Variants in BCAS3 observed in about 807,000 individuals in gnomAD.
BCAS3 encodes BCAS3 microtubule associated cell migration factor.
A neutral mutation model predicts 116.1 loss-of-function variants in BCAS3; 53 were observed. The observed-to-expected ratio is 0.46, with a 90% CI of 0.37 to 0.57. BCAS3 has a LOEUF of 0.57. Among genes scored for constraint, BCAS3 ranks in the 20% least tolerant of loss-of-function variants. The pLI is 0.00. For missense variants in BCAS3, 917 were observed against 1,165.4 expected, an observed-to-expected ratio of 0.79 and a Z score of 3.10; for synonymous variants, 391 against 408.2, an observed-to-expected ratio of 0.96 and a Z score of 0.51.
At chr17:61,312,075 G>A (rs889633561) in intron 22 of BCAS3, among the ~76,000 whole-genome samples, 3 of 152,200 alleles carry the variant, frequency 2.0e-5, no homozygotes, top group African/African-American at 4.8e-5. Context: ...GGGGAGAATC[G>A]TTTGATCTCT....
At chr17:61,218,417 T>C (rs2144368911) in intron 22 of BCAS3, among the ~76,000 whole-genome samples, 1 of 152,374 alleles carries the variant, frequency 6.6e-6, no homozygotes, top group South Asian at 2.1e-4. Context: ...CTCTGAGACG[T>C]ACATGCTGTT....
At position 61,130,653 on chromosome 17, in the gene BCAS3, T is replaced by C. The variant is rs1284547557; in HGVS notation, c.2425+46089T>C. On this transcript the variant is annotated intron_variant, in intron 22 of 23. Coordinates refer to ENST00000407086, the MANE Select transcript of BCAS3 (RefSeq NM_017679.5). This position sits in a 1 kb window ranked among gnomAD's most constrained non-coding sequence, Gnocchi z 5.0. ...AATGGAGATTTAAAAAGTCTAGCTATGCTTCTTGTACATCCCCTCTAGGAG... is the reference window on the plus strand; with the variant it reads ...AATGGAGATTTAAAAAGTCTAGCTACGCTTCTTGTACATCCCCTCTAGGAG... 6.6e-6 allele frequency: 1 copy of C among 152,280 alleles called. No individual in the cohort carries two copies. Among genetic ancestry groups the C allele is most frequent in the African/African-American group, 2.4e-5 (1 of 41,484 alleles). 9.4% of individuals were successfully genotyped at this position (152,280 alleles called of 1,614,324 possible). A position where few individuals can be genotyped will look rare whatever the true frequency, so the allele number is the denominator to read the frequency against.
chr17:60,790,359 G>T (rs1598736614), intron 6 of BCAS3, among the ~76,000 whole-genome samples: 1 of 152,102 alleles, frequency 6.6e-6, no homozygotes, highest in South Asian at 2.1e-4. Flanking sequence ...AAACTGTAAA[G>T]ACCTTGGAAA....
intron 19 of BCAS3, among the ~76,000 whole-genome samples, chr17:61,045,849 C>CTA (rs1177854712): frequency 8.8e-4 from 7 of 7,932 alleles, no homozygotes; most frequent in African/African-American, 7.0e-3. Flanking sequence ...CTCTCTCTCT[C>CTA]TATATATATA....
chr17:60,701,959 G>A (rs1350500548), intron 4 of BCAS3, among the ~76,000 whole-genome samples: 4 of 152,130 alleles, frequency 2.6e-5, no homozygotes, highest in Admixed American at 1.3e-4. Flanking sequence ...GGGTGACAGA[G>A]TGAGACTCTG....
At chr17:61,160,808 A>G (rs1468939336) in intron 22 of BCAS3, among the ~76,000 whole-genome samples, 1 of 152,142 alleles carries the variant, frequency 6.6e-6, no homozygotes, top group African/African-American at 2.4e-5. Flanking sequence ...GCTTTCCTCC[A>G]CATTTTGGAG....
At chr17:60,743,415 G>T (rs1173865675) in intron 5 of BCAS3, among the ~76,000 whole-genome samples, 2 of 151,732 alleles carry the variant, frequency 1.3e-5, no homozygotes, top group Non-Finnish European at 2.9e-5. Flanking sequence ...GATGTCTTTT[G>T]GTTCAGAGGT....
Position 61,251,426 on chromosome 17 carries a change from C to T in BCAS3, c.2426-116901C>T, listed in dbSNP as rs1238243418. Among the ~76,000 whole-genome samples, 7 of 152,114 alleles carry T rather than the reference C, an allele frequency of 4.6e-5. No individual in the cohort carries two copies. The highest frequency in any genetic ancestry group is 2.1e-4 in the South Asian group (1 of 4,812). ...TCTACTAAAAATACAAAAAATTAGCCGGGCCTGGTGGCGGGCGCCTATAAT... is the reference window on the plus strand; with the variant it reads ...TCTACTAAAAATACAAAAAATTAGCTGGGCCTGGTGGCGGGCGCCTATAAT... On this transcript the variant is annotated intron_variant, in intron 22 of 23. Coordinates refer to ENST00000407086, the MANE Select transcript of BCAS3 (RefSeq NM_017679.5). This position sits in a 1 kb window ranked among gnomAD's most constrained non-coding sequence, Gnocchi z 4.7.
In BCAS3 at chr17:61,075,401, A is replaced by G. The variant is rs560536618; in HGVS notation, c.2130+381A>G. On this transcript the variant is annotated intron_variant, in intron 20 of 23. Coordinates refer to ENST00000407086, the MANE Select transcript of BCAS3 (RefSeq NM_017679.5). ...ACGACCTTGGCTCACTGCAACCTCC[A>G]ATTCCTGGTTTCAAGCGATTCTCAT... Among the ~76,000 whole-genome samples, 8 of 152,250 alleles carry G rather than the reference A, an allele frequency of 5.3e-5. No homozygotes were observed. The South Asian group carries it at 1.7e-3, about 32-fold the overall frequency.
intron 22 of BCAS3, among the ~76,000 whole-genome samples, chr17:61,321,520 G>A (rs754295502): frequency 2.0e-5 from 3 of 152,194 alleles, no homozygotes; most frequent in East Asian, 1.9e-4. Context: ...GATGTCGGGC[G>A]GTAAGAGGCT....
At chr17:61,238,622 G>A (rs1487208121) in intron 22 of BCAS3, among the ~76,000 whole-genome samples, 2 of 152,096 alleles carry the variant, frequency 1.3e-5, no homozygotes, top group African/African-American at 2.4e-5. Context: ...GGCTTTGGCA[G>A]GTCTTATGTC....
chr17:60,725,144 T>C (rs1427869091), intron 5 of BCAS3, among the ~76,000 whole-genome samples: 1 of 152,214 alleles, frequency 6.6e-6, no homozygotes, highest in Non-Finnish European at 1.5e-5. Flanking sequence ...TTTAGAATAG[T>C]GATACTCAAT....
chr17:61,192,460 C>A (rs770522615), intron 22 of BCAS3, among the ~76,000 whole-genome samples: 2 of 151,788 alleles, frequency 1.3e-5, no homozygotes, highest in Non-Finnish European at 2.9e-5. Flanking sequence ...TAATTGAAGA[C>A]CATTGATTTT....
Position 61,214,454 on chromosome 17 carries a change from G to A in BCAS3, c.2425+129890G>A, listed in dbSNP as rs1394262709. Among the ~76,000 whole-genome samples the A allele has an allele frequency of 6.6e-6, 1 of 152,022 alleles. No individual in the cohort carries two copies. The highest frequency in any genetic ancestry group is 1.5e-5 in the Non-Finnish European group (1 of 68,032). ...AATCCCAGCACTTTGCAAGGCCGAG[G>A]CAGGTGGATCACAAGGTCAGGAGAT... is the stretch of plus-strand genomic sequence containing the variant. On this transcript the variant is annotated intron_variant, in intron 22 of 23. Transcript: ENST00000407086. This position sits in a 1 kb window ranked among gnomAD's most constrained non-coding sequence, Gnocchi z 4.4.
At position 61,230,487 on chromosome 17, in the gene BCAS3, A is replaced by G. The variant is rs370902881; in HGVS notation, c.2426-137840A>G. The stretch of plus-strand genomic sequence containing the variant: ...CCCCCTCTAGTAGTTCAGAGTATCT[A>G]TTGTTCCCATGTTTATGCCCATGGG... On this transcript the variant is annotated intron_variant, in intron 22 of 23. Coordinates refer to ENST00000407086, the MANE Select transcript of BCAS3 (RefSeq NM_017679.5). 6.6e-5 allele frequency among the ~76,000 whole-genome samples: 10 copies of G among 152,038 alleles called. No homozygotes were observed. The East Asian group carries it at 9.6e-4, about 15-fold the overall frequency.
intron 22 of BCAS3, among the ~76,000 whole-genome samples, chr17:61,314,590 A>G (rs1232557712): frequency 6.6e-6 from 1 of 152,210 alleles, no homozygotes; most frequent in Non-Finnish European, 1.5e-5. Flanking sequence ...TTACAGCTAC[A>G]GTGACTTTGA....
Position 61,368,627 on chromosome 17 carries a change from A to C in BCAS3, c.2593+133A>C. Reference sequence around the variant, plus strand: ...TTCTTTAGTTAGCACTCCAGTGGCTATCCGTCTGAGGAGCTCTGGTGTTGG... The same window carrying C: ...TTCTTTAGTTAGCACTCCAGTGGCTCTCCGTCTGAGGAGCTCTGGTGTTGG... On this transcript the variant is annotated intron_variant, in intron 23 of 23. Transcript: ENST00000407086. This position sits in a 1 kb window ranked among gnomAD's most constrained non-coding sequence, Gnocchi z 6.0. The C allele has an allele frequency of 9.2e-7, 1 of 1,081,996 alleles. No homozygotes were observed. Among genetic ancestry groups the C allele is most frequent in the East Asian group, 2.6e-5 (1 of 37,926 alleles). 67.0% of individuals were successfully genotyped at this position (1,081,996 alleles called of 1,614,324 possible).
At chr17:60,929,543 CTTT>C (rs954373283) in intron 13 of BCAS3, among the ~76,000 whole-genome samples, 1 of 151,890 alleles carries the variant, frequency 6.6e-6, no homozygotes, top group Non-Finnish European at 1.5e-5. Flanking sequence ...TATGTAATTT[CTTT>C]TTTATTTTAA....
chr17:61,005,215 G>A (rs2064579323), intron 15 of BCAS3, among the ~76,000 whole-genome samples: 1 of 152,044 alleles, frequency 6.6e-6, no homozygotes, highest in Non-Finnish European at 1.5e-5. Context: ...CATACTTTTG[G>A]AAAAGTAAAT....
Sources: allele counts gnomAD v4.1 joint callset (sites outside exome capture counted in the v4.1 genomes callset), GRCh38; gene constraint gnomAD v4.1.1; non-coding constraint Gnocchi (gnomAD v3.1); transcripts MANE v1.5; gene names NCBI Gene and HGNC (gene_info 2026-07-23, HGNC 2026-07-21).